Variants in TMC1 observed in about 807,000 individuals in gnomAD.
The protein encoded by TMC1 is transmembrane channel-like protein 1.
A neutral mutation model predicts 105.8 loss-of-function variants in TMC1; 84 were observed. The observed-to-expected ratio is 0.79, with a 90% CI of 0.67 to 0.95. The LOEUF is 0.95. Ranked by LOEUF, TMC1 falls within the 40% of genes least tolerant of loss-of-function variation. The pLI, the probability that TMC1 is intolerant of heterozygous loss-of-function variation, is 0.00. For missense variants in TMC1, 817 were observed against 914.1 expected (o/e 0.89, Z 1.37); for synonymous variants, 315 against 311.5 (o/e 1.01, Z -0.12).
At chr9:72,659,581 T>A (rs369242770) in intron 5 of TMC1, among the ~76,000 whole-genome samples, 1 of 152,066 alleles carries the variant, frequency 6.6e-6, no homozygotes, top group South Asian at 2.1e-4. Flanking sequence ...CTGTGGTGAG[T>A]CAAGATTGCA....
chr9:72,711,622 T>G (rs961971372), intron 8 of TMC1, among the ~76,000 whole-genome samples: 2 of 152,222 alleles, frequency 1.3e-5, no homozygotes, highest in Non-Finnish European at 2.9e-5. Flanking sequence ...GGTTGTTTGA[T>G]ATTTCTTGTA....
intron 8 of TMC1, among the ~76,000 whole-genome samples, chr9:72,707,510 G>C (rs1826763547): frequency 1.3e-5 from 2 of 152,268 alleles, no homozygotes; most frequent in Non-Finnish European, 1.5e-5. Context: ...CTGATCATTA[G>C]TGATGTTGAG....
intron 3 of TMC1, among the ~76,000 whole-genome samples, chr9:72,618,938 G>A (rs1825192382): frequency 6.6e-6 from 1 of 151,992 alleles, no homozygotes; most frequent in African/African-American, 2.4e-5. Flanking sequence ...AATAGAACTC[G>A]CAACAATTAC....
chr9:72,533,314 T>C (rs3935574), intron 1 of TMC1, among the ~76,000 whole-genome samples: 1,831 of 152,114 alleles, frequency 0.012, 44 homozygotes, highest in African/African-American at 0.042. Flanking sequence ...GAAGAAACTC[T>C]GGGCAGCCAG....
At chr9:72,651,518 T>C (rs1473491990) in intron 5 of TMC1, 3 of 152,094 alleles carry the variant, frequency 2.0e-5, no homozygotes, top group Admixed American at 6.6e-5. Flanking sequence ...AAGTGGTTGG[T>C]TGGGGCTGGG....
chr9:72,618,265 C>CAT (rs1289474753), intron 3 of TMC1, among the ~76,000 whole-genome samples: 2 of 151,960 alleles, frequency 1.3e-5, no homozygotes, highest in East Asian at 3.9e-4. Context: ...TTAAGTGATC[C>CAT]ACCTACCATG....
At chr9:72,796,768 A>G (rs1193258787) in intron 17 of TMC1, among the ~76,000 whole-genome samples, 2 of 152,182 alleles carry the variant, frequency 1.3e-5, no homozygotes, top group Non-Finnish European at 2.9e-5. Flanking sequence ...CCAAAATCAT[A>G]ATGAACGGAC....
intron 8 of TMC1, among the ~76,000 whole-genome samples, chr9:72,717,275 A>G (rs967570322): frequency 1.3e-5 from 2 of 152,252 alleles, no homozygotes; most frequent in Non-Finnish European, 2.9e-5. Context: ...TGGAGCATTT[A>G]GGCCATCTGC....
At chr9:72,833,783 C>T (rs1428593387) in intron 23 of TMC1, among the ~76,000 whole-genome samples, 2 of 152,102 alleles carry the variant, frequency 1.3e-5, no homozygotes, top group Non-Finnish European at 2.9e-5. Flanking sequence ...TCCACAATTG[C>T]TCTTGAGTAG....
chr9:72,726,191 A>C (rs1827121960), intron 8 of TMC1, among the ~76,000 whole-genome samples: 1 of 152,166 alleles, frequency 6.6e-6, no homozygotes, highest in East Asian at 1.9e-4. Flanking sequence ...AAAAATTAGA[A>C]ATTTTTAAAT....
At chr9:72,612,470 G>A (rs1193056047) in intron 2 of TMC1, among the ~76,000 whole-genome samples, 6 of 143,372 alleles carry the variant, frequency 4.2e-5, no homozygotes, top group South Asian at 2.3e-4. Context: ...CACCACTCCC[G>A]GCCCAAACAT....
intron 5 of TMC1, among the ~76,000 whole-genome samples, chr9:72,675,449 A>G (rs925676882): frequency 2.6e-5 from 4 of 152,132 alleles, no homozygotes; most frequent in Non-Finnish European, 5.9e-5. Flanking sequence ...CATGTGAGGG[A>G]AAAAAAGGAT....
At chr9:72,696,339 C>A (rs1470402) in intron 7 of TMC1, among the ~76,000 whole-genome samples, 4 of 151,888 alleles carry the variant, frequency 2.6e-5, no homozygotes, top group Non-Finnish European at 4.4e-5. Flanking sequence ...TAACCCAACT[C>A]TCTCCATAGG....
At chr9:72,774,577 CA>C (rs1318439303) in intron 13 of TMC1, among the ~76,000 whole-genome samples, 2 of 152,044 alleles carry the variant, frequency 1.3e-5, no homozygotes, top group Admixed American at 1.3e-4. Flanking sequence ...GGGATAGCTG[CA>C]GGGCATCAAA....
chr9:72,814,128 G>A (rs1308971593), intron 18 of TMC1, among the ~76,000 whole-genome samples: 2 of 152,190 alleles, frequency 1.3e-5, no homozygotes, highest in South Asian at 2.1e-4. Context: ...ACGTTCAGTA[G>A]TTTGGTGGGC....
chr9:72,722,724 A>G (rs1264931004), intron 8 of TMC1, among the ~76,000 whole-genome samples: 1 of 152,194 alleles, frequency 6.6e-6, no homozygotes, highest in African/African-American at 2.4e-5. Flanking sequence ...CCAAAGCAGA[A>G]CAATTAACAT....
At chr9:72,794,369 C>A (rs1480986872) in intron 17 of TMC1, among the ~76,000 whole-genome samples, 1 of 152,172 alleles carries the variant, frequency 6.6e-6, no homozygotes, top group Non-Finnish European at 1.5e-5. Flanking sequence ...AAGAAATCTA[C>A]ACTTTCAGAG....
intron 5 of TMC1, among the ~76,000 whole-genome samples, chr9:72,669,037 G>C (rs183980823): frequency 1.3e-5 from 2 of 152,190 alleles, no homozygotes; most frequent in Non-Finnish European, 2.9e-5. Flanking sequence ...GGGTGCAGTG[G>C]CTCACGCTTG....
At chr9:72,524,959 AC>A (rs1174132527) in intron 1 of TMC1, among the ~76,000 whole-genome samples, 5 of 152,206 alleles carry the variant, frequency 3.3e-5, no homozygotes, top group African/African-American at 1.2e-4. Flanking sequence ...GGAGCAGATC[AC>A]CACACACCTG....
Sources: gnomAD v4.1 joint callset for allele counts (sites outside exome capture counted in the v4.1 genomes callset) on GRCh38, gnomAD v4.1.1 for gene constraint, MANE v1.5 for transcripts, NCBI Gene and HGNC (gene_info 2026-07-23, HGNC 2026-07-21) for gene names.